The following FOXN2 variants were observed in gnomAD, a reference collection of about 807,000 sequenced individuals.
FOXN2 encodes the protein forkhead box protein N2.
Under a neutral mutation model 41.2 loss-of-function variants are expected in FOXN2, and 19 were observed. The observed-to-expected ratio is 0.46, with a 90% CI of 0.32 to 0.68. The LOEUF is 0.68. Ranked by LOEUF, FOXN2 falls within the 30% of genes least tolerant of loss-of-function variation. The probability of loss-of-function intolerance (pLI) is 0.03; values close to 1 mark genes in which losing one functional copy is unlikely to be tolerated. For synonymous variants in FOXN2, 195 were observed against 176.8 expected (o/e 1.10, Z -0.82); for missense variants, 587 against 509.4 (o/e 1.15, Z -1.47).
intron 3 of FOXN2, among the ~76,000 whole-genome samples, chr2:48,354,399 AGTCC>A (rs1671652892): frequency 6.6e-6 from 1 of 152,244 alleles, no homozygotes; most frequent in Non-Finnish European, 1.5e-5. Context: ...CAAGAGGTCA[AGTCC>A]AGCCTGGCCA....
At chr2:48,323,655 A>G (rs987093734) in intron 1 of FOXN2, among the ~76,000 whole-genome samples, 1 of 152,070 alleles carries the variant, frequency 6.6e-6, no homozygotes, top group Non-Finnish European at 1.5e-5. Flanking sequence ...TAGTTTGCAA[A>G]TATTTTCTCC....
At position 48,346,494 on chromosome 2, in the gene FOXN2, C is replaced by A; in HGVS notation, c.280C>A (p.Pro94Thr). The A allele has an allele frequency of 6.2e-7, 1 of 1,614,126 alleles. No homozygotes were observed. The highest frequency in any genetic ancestry group is 8.5e-7 in the Non-Finnish European group (1 of 1,180,008). The change falls in exon 3 of 7, where the codon CCA (proline) becomes ACA (threonine). Residue 94 changes from proline to threonine, a missense_variant. By Grantham distance (38) the Pro-to-Thr change is conservative. Transcript: ENST00000340553. The stretch of plus-strand genomic sequence containing the variant: ...GTATGACATAGAGGGAGATGATGTG[C>A]CATCCTTTGGACCAGCTTGCTACCA... ...PLYDIEGDDVPSFGPACYQNP... is the reference protein window; with the variant it reads ...PLYDIEGDDVTSFGPACYQNP...
At chr2:48,334,072 G>A (rs1156427610) in intron 2 of FOXN2, among the ~76,000 whole-genome samples, 1 of 151,984 alleles carries the variant, frequency 6.6e-6, no homozygotes, top group African/African-American at 2.4e-5. Flanking sequence ...CTTAAATATA[G>A]CAATTTGAGA....
At chr2:48,338,310 A>G (rs539823926) in intron 2 of FOXN2, among the ~76,000 whole-genome samples, 30 of 152,320 alleles carry the variant, frequency 2.0e-4, no homozygotes, top group African/African-American at 5.8e-4. Context: ...AATGGCCCAG[A>G]TAAAAGGCCT....
In FOXN2 at chr2:48,328,676, A is replaced by C. The variant is rs900773914; in HGVS notation, c.-41A>C. ...TTGGTCACTGTATGACTTATAGTAC[A>C]GGTGATATTACTTCTGATTCTAGAT... On this transcript the variant is annotated 5_prime_UTR_variant, in exon 2 of 7. Transcript: ENST00000340553. 2 of 152,210 alleles carry C rather than the reference A, an allele frequency of 1.3e-5. No homozygotes were observed. The highest frequency in any genetic ancestry group is 2.9e-5 in the Non-Finnish European group (2 of 68,044). 9.4% of individuals were successfully genotyped at this position (152,210 alleles called of 1,614,324 possible).
intron 2 of FOXN2, among the ~76,000 whole-genome samples, chr2:48,329,413 G>C (rs1669888936): frequency 6.6e-6 from 1 of 151,854 alleles, no homozygotes; most frequent in Non-Finnish European, 1.5e-5. Context: ...GTTGGAGAAG[G>C]TTTTCCCCCC....
At chr2:48,317,670 C>A (rs547119492) in intron 1 of FOXN2, among the ~76,000 whole-genome samples, 16 of 115,960 alleles carry the variant, frequency 1.4e-4, no homozygotes, top group Non-Finnish European at 2.1e-4. Flanking sequence ...TGCAGTGGCG[C>A]TATCTTGGCT....
intron 4 of FOXN2, among the ~76,000 whole-genome samples, 178 bp from the exon 5 acceptor site, chr2:48,362,465 C>T (rs1672252291): frequency 6.6e-6 from 1 of 152,054 alleles, no homozygotes. Context: ...GCCACTCAGG[C>T]AGCTAAGGTG....
At chr2:48,357,985 A>C (rs1270545547) in intron 3 of FOXN2, among the ~76,000 whole-genome samples, 1 of 152,018 alleles carries the variant, frequency 6.6e-6, no homozygotes, top group Non-Finnish European at 1.5e-5. Flanking sequence ...TCTTTATGAT[A>C]GTGTGATATG....
At chr2:48,345,375 CAA>C (rs1318136445) in intron 2 of FOXN2, among the ~76,000 whole-genome samples, 1 of 151,824 alleles carries the variant, frequency 6.6e-6, no homozygotes, top group Non-Finnish European at 1.5e-5. Context: ...AGATGTTAGT[CAA>C]AGAGTACAAA....
chr2:48,316,894 A>G (rs984726070), intron 1 of FOXN2, among the ~76,000 whole-genome samples: 1 of 152,064 alleles, frequency 6.6e-6, no homozygotes, highest in African/African-American at 2.4e-5. Context: ...TTACAGCAAC[A>G]CCATTTTATT....
intron 5 of FOXN2, among the ~76,000 whole-genome samples, chr2:48,369,212 T>C (rs1672726015): frequency 6.6e-6 from 1 of 152,226 alleles, no homozygotes; most frequent in African/African-American, 2.4e-5. Context: ...TTCAAAATAA[T>C]GTTCCTTGAA....
At chr2:48,369,924 T>C (rs1221253453) in intron 5 of FOXN2, among the ~76,000 whole-genome samples, 1 of 151,494 alleles carries the variant, frequency 6.6e-6, no homozygotes. Flanking sequence ...CGTTTGAGCC[T>C]GGGAGGTTGA....
At chr2:48,351,005 A>T (rs1041076519) in intron 3 of FOXN2, among the ~76,000 whole-genome samples, 3 of 152,122 alleles carry the variant, frequency 2.0e-5, no homozygotes, top group Admixed American at 6.5e-5. Context: ...TCACTTTGTC[A>T]TCCAGGCTGG....
intron 2 of FOXN2, among the ~76,000 whole-genome samples, chr2:48,339,153 A>G (rs1357691958): frequency 6.6e-6 from 1 of 152,198 alleles, no homozygotes; most frequent in African/African-American, 2.4e-5. Flanking sequence ...ATGAATGAAT[A>G]AAAAGGTCTT....
At chr2:48,327,358 T>C (rs934112770) in intron 1 of FOXN2, among the ~76,000 whole-genome samples, 2 of 152,200 alleles carry the variant, frequency 1.3e-5, no homozygotes, top group African/African-American at 4.8e-5. Flanking sequence ...GCAGTTGATA[T>C]GGCTTATTAG....
At chr2:48,367,994 G>A (rs1004370206) in intron 5 of FOXN2, among the ~76,000 whole-genome samples, 3 of 152,178 alleles carry the variant, frequency 2.0e-5, no homozygotes, top group African/African-American at 7.2e-5. Flanking sequence ...AGACGCGTAT[G>A]ACCTCACCCG....
chr2:48,375,525 G>A lies in FOXN2; in HGVS notation c.*82G>A, dbSNP rs1018539329. ...GCCATAATGGACTTCATTAGTTTTA[G>A]GGTAGGGAAGGGATACTAATTACTT... On this transcript the variant is annotated 3_prime_UTR_variant, in exon 7 of 7. Transcript: ENST00000340553. The A allele has an allele frequency of 3.9e-6, 5 of 1,297,522 alleles. No homozygotes were observed. The African/African-American group carries it at 6.0e-5, about 15-fold the overall frequency. 80.4% of individuals were successfully genotyped at this position (1,297,522 alleles called of 1,614,324 possible).
chr2:48,333,481 C>A lies in FOXN2; in HGVS notation c.-15+4779C>A, dbSNP rs536131474. ...TATCAGGAGGTTACTCACTCTGTAT[C>A]CTCACCTGTTAAACCACAGATAGAC... On this transcript the variant is annotated intron_variant, in intron 2 of 6. Transcript: ENST00000340553. Among the ~76,000 whole-genome samples, 21 of 152,150 alleles carry A rather than the reference C, an allele frequency of 1.4e-4. 2 individuals are homozygous for A. Among genetic ancestry groups the A allele is most frequent in the African/African-American group, 5.1e-4 (21 of 41,526 alleles).
Sources: allele counts gnomAD v4.1 joint callset (sites outside exome capture counted in the v4.1 genomes callset), GRCh38; gene constraint gnomAD v4.1.1; transcripts MANE v1.5; gene names NCBI Gene and HGNC (gene_info 2026-07-23, HGNC 2026-07-21).